ADCY8: variants seen among roughly 807,000 people sequenced by gnomAD.
ADCY8 encodes adenylate cyclase type 8.
Under a neutral mutation model 119.7 loss-of-function variants are expected in ADCY8, and 51 were observed. The observed-to-expected ratio is 0.43, with a 90% CI of 0.34 to 0.54. The LOEUF (loss-of-function observed/expected upper bound fraction) is 0.54. ADCY8 is among the 20% of genes least tolerant of loss of function. The pLI is 0.03. For synonymous variants in ADCY8, 665 were observed against 651.0 expected (o/e 1.02, Z -0.33); for missense variants, 1,383 against 1,598.8 (o/e 0.87, Z 2.30).
At chr8:130,932,705 T>C (rs1820667015) in intron 5 of ADCY8, among the ~76,000 whole-genome samples, 3 of 152,230 alleles carry the variant, frequency 2.0e-5, no homozygotes, top group South Asian at 2.1e-4. Context: ...TTGATGTTTC[T>C]GTTAGAGAAT....
chr8:130,984,514 A>G (rs563043666), intron 2 of ADCY8, among the ~76,000 whole-genome samples: 2 of 151,536 alleles, frequency 1.3e-5, no homozygotes, highest in African/African-American at 2.4e-5. Context: ...GATCGTAAGG[A>G]AAGTGGAGAA....
intron 5 of ADCY8, among the ~76,000 whole-genome samples, chr8:130,912,576 A>C (rs1029344498): frequency 1.3e-5 from 2 of 152,210 alleles, no homozygotes; most frequent in Non-Finnish European, 2.9e-5. Flanking sequence ...CATGTACTCA[A>C]TTGAATCTTT....
intron 2 of ADCY8, among the ~76,000 whole-genome samples, chr8:130,971,599 AT>A (rs1398379182): frequency 6.6e-6 from 1 of 152,214 alleles, no homozygotes; most frequent in East Asian, 1.9e-4. Context: ...AGGCAAGTCA[AT>A]AAGGATAACT....
rs992601985 is a variant in ADCY8 at position 130,847,434 on chromosome 8, G to A, written c.2492C>T (p.Ser831Phe). ...CTCATAAATAAATACCTCTGGGTAGGAGCAGATATCTGTAAACACAGCTGA... is the reference window on the plus strand; with the variant it reads ...CTCATAAATAAATACCTCTGGGTAGAAGCAGATATCTGTAAACACAGCTGA... ...NSSAVFTDIC[S>F]YPEYFVFTGV... The change falls in exon 11 of 18, where the codon TCC (serine) becomes TTC (phenylalanine). Residue 831 changes from serine (S) to phenylalanine (F), a missense_variant. Physicochemically the swap from Ser to Phe is radical, Grantham distance 155. This residue lies in a region of ADCY8 where 928 missense variants were observed against 1,163.5 expected (regional missense o/e 0.80). Coordinates refer to ENST00000286355, the MANE Select transcript of ADCY8 (RefSeq NM_001115.3). The A allele has an allele frequency of 4.3e-6, 7 of 1,610,516 alleles. No individual in the cohort carries two copies. The highest frequency in any genetic ancestry group is 1.7e-4 in the Middle Eastern group (1 of 6,042).
chr8:131,033,914 T>C (rs556387744), intron 1 of ADCY8, among the ~76,000 whole-genome samples: 8 of 152,166 alleles, frequency 5.3e-5, no homozygotes, highest in Admixed American at 2.0e-4. Context: ...CTTGGGAAGG[T>C]TGACACTCAA....
chr8:130,919,806 C>T (rs1436898126), intron 5 of ADCY8, among the ~76,000 whole-genome samples: 5 of 152,170 alleles, frequency 3.3e-5, no homozygotes, highest in Admixed American at 6.5e-5. Context: ...GCCCAGCCCA[C>T]TTCCTGTGCC....
intron 15 of ADCY8, 84 bp downstream of exon 15, chr8:130,800,342 A>AAG (rs2130111072): frequency 6.5e-7 from 1 of 1,542,610 alleles, no homozygotes; most frequent in Non-Finnish European, 8.8e-7. Flanking sequence ...AAAAAAAAAA[A>AAG]ATAAGTAATT....
intron 3 of ADCY8, among the ~76,000 whole-genome samples, chr8:130,950,967 G>A (rs1821251442): frequency 6.6e-6 from 1 of 152,166 alleles, no homozygotes; most frequent in South Asian, 2.1e-4. Context: ...CAAAGTGCTG[G>A]GATTACAGGC....
At chr8:131,029,875 G>T (rs1441589626) in intron 1 of ADCY8, among the ~76,000 whole-genome samples, 1 of 150,862 alleles carries the variant, frequency 6.6e-6, no homozygotes, top group African/African-American at 2.4e-5. Context: ...TGGAGTAGGG[G>T]GTGGCTAGGG....
intron 1 of ADCY8, among the ~76,000 whole-genome samples, chr8:131,032,652 C>A (rs573399419): frequency 6.6e-6 from 1 of 152,232 alleles, no homozygotes; most frequent in African/African-American, 2.4e-5. Context: ...TTCTTCCTCT[C>A]CCCCACAGGG....
chr8:130,938,256 A>G (rs7013860), intron 4 of ADCY8, among the ~76,000 whole-genome samples: 8,236 of 152,124 alleles, frequency 0.054, 694 homozygotes, highest in African/African-American at 0.19. Context: ...TTGTGCCACT[A>G]TGAGGGTTAA....
intron 9 of ADCY8, among the ~76,000 whole-genome samples, chr8:130,859,700 GT>G (rs1255284505): frequency 1.3e-5 from 2 of 152,166 alleles, no homozygotes; most frequent in Non-Finnish European, 2.9e-5. Context: ...GTGCTGTAAA[GT>G]TTTATAAGTT....
At chr8:130,926,237 A>T (rs1270106049) in intron 5 of ADCY8, among the ~76,000 whole-genome samples, 1 of 152,078 alleles carries the variant, frequency 6.6e-6, no homozygotes, top group Non-Finnish European at 1.5e-5. Context: ...ACATACACTA[A>T]TGCACACATA....
At chr8:130,931,280 T>C (rs903611297) in intron 5 of ADCY8, among the ~76,000 whole-genome samples, 3 of 152,208 alleles carry the variant, frequency 2.0e-5, no homozygotes, top group African/African-American at 7.2e-5. Flanking sequence ...TCCTAGCCTG[T>C]AAGGTTTCTG....
chr8:130,823,372 T>A (rs565241681), intron 12 of ADCY8, among the ~76,000 whole-genome samples: 2 of 152,256 alleles, frequency 1.3e-5, no homozygotes, highest in East Asian at 1.9e-4. Context: ...AATTAGAAAG[T>A]TTTTATTTTT....
intron 8 of ADCY8, among the ~76,000 whole-genome samples, chr8:130,882,118 G>GTTT (rs35806429): frequency 0.011 from 1,401 of 133,034 alleles, 29 homozygotes; most frequent in African/African-American, 0.036. Context: ...CCATATTGAG[G>GTTT]TTTTTTTTTT....
chr8:130,981,810 T>C (rs1188637068), intron 2 of ADCY8, among the ~76,000 whole-genome samples: 1 of 152,232 alleles, frequency 6.6e-6, no homozygotes, highest in African/African-American at 2.4e-5. Flanking sequence ...ACTTAGGATA[T>C]GGCCTGGGTG....
intron 1 of ADCY8, among the ~76,000 whole-genome samples, chr8:131,010,153 T>C (rs1823255496): frequency 6.6e-6 from 1 of 152,258 alleles, no homozygotes; most frequent in Non-Finnish European, 1.5e-5. Context: ...CATGTCAATA[T>C]GTCCAATTCT....
At chr8:130,908,998 TC>T (rs1296085439) in intron 6 of ADCY8, among the ~76,000 whole-genome samples, 1 of 150,266 alleles carries the variant, frequency 6.7e-6, no homozygotes, top group African/African-American at 2.4e-5. Flanking sequence ...TCTCTCTCTC[TC>T]TCTCTCTCTC....
Sources: allele counts gnomAD v4.1 joint callset (sites outside exome capture counted in the v4.1 genomes callset), GRCh38; gene constraint gnomAD v4.1.1; regional missense constraint gnomAD v4.1.1; transcripts MANE v1.5; gene names NCBI Gene and HGNC (gene_info 2026-07-23, HGNC 2026-07-21).